Variants in COL8A1 observed in about 807,000 individuals in gnomAD.
The protein encoded by COL8A1 is collagen alpha-1(VIII) chain.
In COL8A1, 21 loss-of-function variants were observed where a neutral mutation model predicts 42.7. The ratio of observed to expected loss-of-function variants is 0.49; its 90% CI spans 0.35 to 0.71. The LOEUF (loss-of-function observed/expected upper bound fraction) is 0.71, where lower values mean the gene tolerates loss of function less well. Among genes scored for constraint, COL8A1 ranks in the 30% least tolerant of loss-of-function variants. The pLI is 0.01. For synonymous variants in COL8A1, 367 were observed against 369.1 expected (o/e 0.99, Z 0.06); for missense variants, 788 against 962.4 (o/e 0.82, Z 2.40).
chr3:99,713,612 G>A (rs895498107), intron 1 of COL8A1, among the ~76,000 whole-genome samples: 4 of 152,000 alleles, frequency 2.6e-5, no homozygotes, highest in Non-Finnish European at 2.9e-5. Context: ...TCTTTCAACC[G>A]TTGATCCTGG....
intron 2 of COL8A1, among the ~76,000 whole-genome samples, chr3:99,768,273 C>A (rs932112600): frequency 6.6e-6 from 1 of 152,152 alleles, no homozygotes; most frequent in Non-Finnish European, 1.5e-5. Flanking sequence ...TTTACATGTA[C>A]TAGAAGGATC....
At chr3:99,758,718 C>G (rs1941308110) in intron 2 of COL8A1, among the ~76,000 whole-genome samples, 1 of 152,240 alleles carries the variant, frequency 6.6e-6, no homozygotes, top group East Asian at 1.9e-4. Flanking sequence ...TACAAGTCGT[C>G]TGTAAACCAC....
intron 1 of COL8A1, among the ~76,000 whole-genome samples, chr3:99,711,299 A>G (rs1939828784): frequency 6.6e-6 from 1 of 152,196 alleles, no homozygotes. Flanking sequence ...CAGTAGTTAC[A>G]TAAAAAGGGA....
At chr3:99,641,158 G>C (rs755477364) in intron 1 of COL8A1, among the ~76,000 whole-genome samples, 1 of 152,002 alleles carries the variant, frequency 6.6e-6, no homozygotes, top group Non-Finnish European at 1.5e-5. Flanking sequence ...AAGAGGATTG[G>C]GGTGAAAAGG....
intron 1 of COL8A1, among the ~76,000 whole-genome samples, chr3:99,700,026 T>C (rs993448374): frequency 1.3e-5 from 2 of 152,208 alleles, no homozygotes; most frequent in African/African-American, 4.8e-5. Flanking sequence ...ATGAGTCATC[T>C]AGGGATGTCA....
intron 2 of COL8A1, among the ~76,000 whole-genome samples, chr3:99,779,783 G>T (rs114956422): frequency 6.6e-6 from 1 of 152,018 alleles, no homozygotes; most frequent in African/African-American, 2.4e-5. Context: ...TCAGACTGGG[G>T]ATTTAGAAAA....
intron 1 of COL8A1, among the ~76,000 whole-genome samples, chr3:99,730,113 C>G (rs768570575): frequency 1.3e-5 from 2 of 152,150 alleles, no homozygotes; most frequent in Non-Finnish European, 2.9e-5. Flanking sequence ...CTTCACCAAT[C>G]TTCTCCTTCA....
intron 1 of COL8A1, among the ~76,000 whole-genome samples, chr3:99,726,155 C>G (rs1352635499): frequency 6.6e-6 from 1 of 152,170 alleles, no homozygotes; most frequent in Non-Finnish European, 1.5e-5. Context: ...TTGCATTTCT[C>G]TGATGGCCAG....
intron 3 of COL8A1, among the ~76,000 whole-genome samples, chr3:99,791,479 C>G (rs375370895): frequency 6.6e-6 from 1 of 152,192 alleles, no homozygotes; most frequent in African/African-American, 2.4e-5. Flanking sequence ...AAGTATTAGA[C>G]AGGTGCAAGT....
At position 99,739,317 on chromosome 3, in the gene COL8A1, G is replaced by A. The variant is rs142953113; in HGVS notation, c.-128-5580G>A. 4.1e-4 allele frequency among the ~76,000 whole-genome samples: 63 copies of A among 152,238 alleles called. 1 individual carries two copies. The highest frequency in any genetic ancestry group is 2.3e-3 in the East Asian group (12 of 5,164). ...TTCCAGGTGCACAATGCAAGCTGTC[G>A]GTGGATCTACCATTGCGGGGTCTGG... On this transcript the variant is annotated intron_variant, in intron 1 of 3. Transcript: ENST00000652472.
intron 3 of COL8A1, among the ~76,000 whole-genome samples, chr3:99,792,363 CA>C (rs1942017231): frequency 6.6e-6 from 1 of 152,124 alleles, no homozygotes; most frequent in African/African-American, 2.4e-5. Flanking sequence ...GTACAATGGT[CA>C]GGATTAAGGT....
intron 1 of COL8A1, among the ~76,000 whole-genome samples, chr3:99,697,726 C>A (rs1205171840): frequency 6.6e-6 from 1 of 152,208 alleles, no homozygotes; most frequent in Non-Finnish European, 1.5e-5. Flanking sequence ...TCTTGGAAGA[C>A]CAATTTCTTT....
At chr3:99,649,396 A>G (rs56366097) in intron 1 of COL8A1, among the ~76,000 whole-genome samples, 46,660 of 151,666 alleles carry the variant, frequency 0.31, 7,662 homozygotes, top group African/African-American at 0.42. Flanking sequence ...AAAAAAATAG[A>G]GGTAGGGGAA....
chr3:99,698,630 C>A (rs1559782329), intron 1 of COL8A1, among the ~76,000 whole-genome samples: 3 of 152,122 alleles, frequency 2.0e-5, no homozygotes, highest in Admixed American at 1.3e-4. Flanking sequence ...AAAATATACA[C>A]AATTAGAAGC....
chr3:99,675,891 C>T (rs551530412), intron 1 of COL8A1, among the ~76,000 whole-genome samples: 164 of 152,072 alleles, frequency 1.1e-3, no homozygotes, highest in African/African-American at 3.9e-3. Flanking sequence ...GTGTGTGATT[C>T]ATGTCAGCAT....
intron 2 of COL8A1, among the ~76,000 whole-genome samples, chr3:99,768,621 C>T (rs1353988226): frequency 6.6e-6 from 1 of 152,200 alleles, no homozygotes; most frequent in Non-Finnish European, 1.5e-5. Flanking sequence ...TACCATCTTA[C>T]CAGTCAGAAT....
chr3:99,670,123 T>A (rs1938496243), intron 1 of COL8A1, among the ~76,000 whole-genome samples: 1 of 152,064 alleles, frequency 6.6e-6, no homozygotes, highest in Non-Finnish European at 1.5e-5. Flanking sequence ...TGTATTTAGC[T>A]AAAGAGTTTA....
chr3:99,705,398 G>A (rs114962598), intron 1 of COL8A1, among the ~76,000 whole-genome samples: 1,789 of 152,256 alleles, frequency 0.012, 15 homozygotes, highest in Middle Eastern at 0.037. Flanking sequence ...CGTCCCAGTG[G>A]CAAATAGAAA....
intron 1 of COL8A1, among the ~76,000 whole-genome samples, chr3:99,668,526 A>G (rs2107309801): frequency 6.6e-6 from 1 of 152,266 alleles, no homozygotes; most frequent in South Asian, 2.1e-4. Context: ...ATCTTCTAAA[A>G]CATAATGCCA....
Sources: gnomAD v4.1 joint callset for allele counts (sites outside exome capture counted in the v4.1 genomes callset) on GRCh38, gnomAD v4.1.1 for gene constraint, MANE v1.5 for transcripts, NCBI Gene and HGNC (gene_info 2026-07-23, HGNC 2026-07-21) for gene names.